EFNA5: variants seen among roughly 807,000 people sequenced by gnomAD.
EFNA5 encodes the protein ephrin-A5.
In EFNA5, 5 loss-of-function variants were observed where a neutral mutation model predicts 22.9. That is an observed-to-expected ratio of 0.22 (90% confidence interval 0.11 to 0.46). The LOEUF is 0.46. Ranked by LOEUF, EFNA5 falls within the 20% of genes least tolerant of loss-of-function variation. The probability of loss-of-function intolerance (pLI) is 0.99; values close to 1 mark genes in which losing one functional copy is unlikely to be tolerated. For synonymous variants in EFNA5, 113 were observed against 112.2 expected, an observed-to-expected ratio of 1.01 and a Z score of -0.04; for missense variants, 237 against 293.3, an observed-to-expected ratio of 0.81 and a Z score of 1.40.
At position 107,396,913 on chromosome 5, in the gene EFNA5, A is replaced by G. The variant is rs77001119; in HGVS notation, c.419-9142T>C. Among the ~76,000 whole-genome samples, 28 of 152,268 alleles carry G rather than the reference A, an allele frequency of 1.8e-4. No homozygotes were observed. In the East Asian group the frequency reaches 4.1e-3, roughly 22 times the overall value. On this transcript the variant is annotated intron_variant, in intron 2 of 4. Coordinates refer to ENST00000333274, the MANE Select transcript of EFNA5 (RefSeq NM_001962.3). ...CGTAGGACAAGGATGTAAATCCTGC[A>G]GAGAGGAAACTAGGCTGGGTGTTGA...
chr5:107,614,709 G>C (rs891682392), intron 1 of EFNA5, among the ~76,000 whole-genome samples: 1 of 152,114 alleles, frequency 6.6e-6, no homozygotes, highest in Non-Finnish European at 1.5e-5. Flanking sequence ...ACTCCTGGTT[G>C]TGTAACATTT....
chr5:107,667,553 G>C (rs543363028), intron 1 of EFNA5, among the ~76,000 whole-genome samples: 24 of 152,124 alleles, frequency 1.6e-4, no homozygotes, highest in African/African-American at 5.5e-4. Context: ...ATTTAATTCT[G>C]ATTTTACCTA....
intron 1 of EFNA5, among the ~76,000 whole-genome samples, chr5:107,665,850 C>G (rs1751054845): frequency 6.6e-6 from 1 of 152,132 alleles, no homozygotes; most frequent in Non-Finnish European, 1.5e-5. Context: ...CAATTCACGT[C>G]TCTTATAAAC....
intron 1 of EFNA5, among the ~76,000 whole-genome samples, chr5:107,514,170 T>C (rs1423543143): frequency 6.6e-6 from 1 of 152,220 alleles, no homozygotes; most frequent in African/African-American, 2.4e-5. Context: ...CCTTCTCTTC[T>C]GGCACCAAGT....
chr5:107,512,285 C>T (rs951315595), intron 1 of EFNA5, among the ~76,000 whole-genome samples: 4 of 152,064 alleles, frequency 2.6e-5, no homozygotes, highest in African/African-American at 9.7e-5. Context: ...ACATAGGCTC[C>T]TCAGTAGGGT....
intron 1 of EFNA5, among the ~76,000 whole-genome samples, chr5:107,612,612 T>C (rs1295768779): frequency 1.3e-5 from 2 of 152,258 alleles, no homozygotes; most frequent in East Asian, 3.9e-4. Flanking sequence ...AAGTTATCAG[T>C]GAGAGCATGT....
Position 107,421,211 on chromosome 5 carries a change from C to T in EFNA5, c.418+6006G>A, listed in dbSNP as rs188813291. ...AACTGTAAACTTTTAATCTAAATAC[C>T]TAAAGCTGAGAATTAGCAGTTAACC... On this transcript the variant is annotated intron_variant, in intron 2 of 4. Transcript: ENST00000333274. Among the ~76,000 whole-genome samples the T allele has an allele frequency of 3.3e-3, 497 of 152,240 alleles. 3 individuals carry two copies. Among genetic ancestry groups the T allele is most frequent in the Non-Finnish European group, 5.4e-3 (369 of 67,978 alleles).
intron 1 of EFNA5, among the ~76,000 whole-genome samples, chr5:107,482,866 C>A (rs376574947): frequency 0.038 from 1,626 of 42,726 alleles, 8 homozygotes; most frequent in East Asian, 0.087. Context: ...CTCTCTCTCT[C>A]TCTCTATATA....
intron 1 of EFNA5, among the ~76,000 whole-genome samples, chr5:107,496,164 T>TAAAAAAA (rs35565454): frequency 1.7e-4 from 16 of 93,180 alleles, no homozygotes; most frequent in East Asian, 5.7e-4. Context: ...CTGTCTCTGC[T>TAAAAAAA]AAAAAAAAAA....
At chr5:107,442,960 G>A (rs1185229929) in intron 1 of EFNA5, among the ~76,000 whole-genome samples, 8 of 137,774 alleles carry the variant, frequency 5.8e-5, no homozygotes, top group Non-Finnish European at 7.7e-5. Flanking sequence ...AAAACCCTGT[G>A]AATTATAAAT....
intron 1 of EFNA5, among the ~76,000 whole-genome samples, chr5:107,532,554 G>A (rs1747836143): frequency 6.6e-6 from 1 of 152,218 alleles, no homozygotes; most frequent in East Asian, 1.9e-4. Flanking sequence ...ACGGTCCAAT[G>A]TGGGACGGAA....
chr5:107,393,743 G>T (rs1465297071), intron 2 of EFNA5, among the ~76,000 whole-genome samples: 1 of 152,090 alleles, frequency 6.6e-6, no homozygotes, highest in African/African-American at 2.4e-5. Flanking sequence ...ACAAATATAT[G>T]CAAATTAGGC....
intron 1 of EFNA5, among the ~76,000 whole-genome samples, chr5:107,507,368 A>G (rs1747273814): frequency 6.6e-6 from 1 of 152,218 alleles, no homozygotes; most frequent in Non-Finnish European, 1.5e-5. Context: ...CTAGAAAAAT[A>G]ATTCTGGTAT....
rs536031768 is a variant in EFNA5 at position 107,532,438 on chromosome 5, C to T, written c.126-104929G>A. 3.5e-4 allele frequency among the ~76,000 whole-genome samples: 54 copies of T among 152,358 alleles called. No homozygotes were observed. In the South Asian group the frequency reaches 6.8e-3, roughly 19 times the overall value. ...TGTCCAGAAATCCTCACACACATTC[C>T]AGCAGGGAGTCTGGCTGCCAGTGGT... On this transcript the variant is annotated intron_variant, in intron 1 of 4. Coordinates refer to ENST00000333274, the MANE Select transcript of EFNA5 (RefSeq NM_001962.3).
intron 2 of EFNA5, among the ~76,000 whole-genome samples, chr5:107,404,418 T>C (rs1442604429): frequency 6.6e-6 from 1 of 152,260 alleles, no homozygotes; most frequent in Non-Finnish European, 1.5e-5. Flanking sequence ...TATTTCTTAA[T>C]TGACATGGAG....
At chr5:107,539,089 GCA>G (rs1406083528) in intron 1 of EFNA5, among the ~76,000 whole-genome samples, 11 of 152,226 alleles carry the variant, frequency 7.2e-5, no homozygotes, top group Admixed American at 4.6e-4. Flanking sequence ...AAAGTTCACA[GCA>G]CACTGACATG....
At chr5:107,636,517 A>C (rs1288633552) in intron 1 of EFNA5, among the ~76,000 whole-genome samples, 2 of 152,244 alleles carry the variant, frequency 1.3e-5, no homozygotes, top group Admixed American at 1.3e-4. Flanking sequence ...TTTCTTCTGG[A>C]CACCCTCAAG....
chr5:107,421,952 C>T (rs1748679916), intron 2 of EFNA5, among the ~76,000 whole-genome samples: 2 of 152,060 alleles, frequency 1.3e-5, no homozygotes, highest in Non-Finnish European at 2.9e-5. Context: ...CTACCACGCC[C>T]GTCTAATTTT....
At position 107,379,947 on chromosome 5, in the gene EFNA5, G is replaced by T. The variant is rs1434690028; in HGVS notation, c.*1308C>A. On this transcript the variant is annotated 3_prime_UTR_variant, in exon 5 of 5. Coordinates refer to ENST00000333274, the MANE Select transcript of EFNA5 (RefSeq NM_001962.3). Reference sequence around the variant, plus strand: ...GTTAAAGTCTTTGGGACTCCATCTTGTTTATCTCCCACAGATAAACACATG... The same window carrying T: ...GTTAAAGTCTTTGGGACTCCATCTTTTTTATCTCCCACAGATAAACACATG... The T allele has an allele frequency of 6.6e-6, 1 of 152,072 alleles. No homozygotes were observed. Among genetic ancestry groups the T allele is most frequent in the Non-Finnish European group, 1.5e-5 (1 of 68,006 alleles). 9.4% of individuals were successfully genotyped at this position (152,072 alleles called of 1,614,324 possible). A position where few individuals can be genotyped will look rare whatever the true frequency, so the allele number is the denominator to read the frequency against.
Sources: gnomAD v4.1 joint callset for allele counts (sites outside exome capture counted in the v4.1 genomes callset) on GRCh38, gnomAD v4.1.1 for gene constraint, MANE v1.5 for transcripts, NCBI Gene and HGNC (gene_info 2026-07-23, HGNC 2026-07-21) for gene names.